Variants in GFOD1 observed in about 807,000 individuals in gnomAD.
GFOD1 encodes Gfo/Idh/MocA-like oxidoreductase domain containing 1.
Under a neutral mutation model 25.4 loss-of-function variants are expected in GFOD1, and 9 were observed. The ratio of observed to expected loss-of-function variants is 0.35; its 90% CI spans 0.21 to 0.62. The LOEUF is 0.62. Ranked by LOEUF, GFOD1 falls within the 20% of genes least tolerant of loss-of-function variation. The pLI, the probability that GFOD1 is intolerant of heterozygous loss-of-function variation, is 0.72. For synonymous variants in GFOD1, 253 were observed against 245.6 expected (o/e 1.03, Z -0.28); for missense variants, 403 against 556.9 (o/e 0.72, Z 2.78).
chr6:13,436,431 A>C (rs1365159436), intron 1 of GFOD1, among the ~76,000 whole-genome samples: 1 of 152,216 alleles, frequency 6.6e-6, no homozygotes, highest in African/African-American at 2.4e-5. Context: ...AATTAACACA[A>C]ATGGATCATG....
chr6:13,439,359 C>T (rs991113656), intron 1 of GFOD1, among the ~76,000 whole-genome samples: 1 of 151,220 alleles, frequency 6.6e-6, no homozygotes, highest in Non-Finnish European at 1.5e-5. Flanking sequence ...CTCAATGCTT[C>T]TCTGCAACAA....
chr6:13,397,451 C>T (rs902657506), intron 1 of GFOD1, among the ~76,000 whole-genome samples: 3 of 152,244 alleles, frequency 2.0e-5, no homozygotes, highest in Admixed American at 6.5e-5. Flanking sequence ...TGCATCTTCA[C>T]TTTTCACTTC....
At chr6:13,486,023 C>G in intron 1 of GFOD1, 4 of 985,910 alleles carry the variant, frequency 4.1e-6, no homozygotes, top group Non-Finnish European at 4.8e-6. Context: ...CCAGCGCAGA[C>G]GAAATAATTC....
intron 1 of GFOD1, chr6:13,470,276 C>T (rs1334047711): frequency 6.3e-7 from 1 of 1,590,328 alleles, no homozygotes; most frequent in Non-Finnish European, 8.6e-7. Flanking sequence ...CCTGGAATCC[C>T]CCATGCCAGC....
rs1784910364 is a variant in GFOD1 at position 13,359,127 on chromosome 6, T to G, written c.*5616A>C. 3 of 152,288 alleles carry G rather than the reference T, an allele frequency of 2.0e-5. No homozygotes were observed. The highest frequency in any genetic ancestry group is 7.2e-5 in the African/African-American group (3 of 41,446). 9.4% of individuals were successfully genotyped at this position (152,288 alleles called of 1,614,324 possible). A position where few individuals can be genotyped will look rare whatever the true frequency, so the allele number is the denominator to read the frequency against. Reference sequence around the variant, plus strand: ...CTATGAGAAGTCCCAGAAGCCCCAGTCAGTCTGGGTGGGGGGTCCCCTGAA... The same window carrying G: ...CTATGAGAAGTCCCAGAAGCCCCAGGCAGTCTGGGTGGGGGGTCCCCTGAA... On this transcript the variant is annotated 3_prime_UTR_variant, in exon 2 of 2. Transcript: ENST00000379287.
intron 1 of GFOD1, among the ~76,000 whole-genome samples, chr6:13,428,711 C>T (rs1266471625): frequency 3.9e-5 from 6 of 152,120 alleles, no homozygotes; most frequent in Admixed American, 2.6e-4. Context: ...CCAGGGCGGG[C>T]GGCAGGAGTA....
chr6:13,444,942 T>A (rs1454140582), intron 1 of GFOD1, among the ~76,000 whole-genome samples: 1 of 152,176 alleles, frequency 6.6e-6, no homozygotes, highest in Non-Finnish European at 1.5e-5. Flanking sequence ...AAATTAAATA[T>A]GTATCTTTTC....
chr6:13,416,830 G>A (rs1330893886), intron 1 of GFOD1, among the ~76,000 whole-genome samples: 1 of 152,204 alleles, frequency 6.6e-6, no homozygotes, highest in Non-Finnish European at 1.5e-5. Context: ...GGCAGGGCAT[G>A]GTAGCAATGG....
At chr6:13,402,393 C>T (rs892952449) in intron 1 of GFOD1, among the ~76,000 whole-genome samples, 4 of 152,066 alleles carry the variant, frequency 2.6e-5, no homozygotes, top group Admixed American at 2.6e-4. Flanking sequence ...AGATATAAAA[C>T]CACCGACTGA....
rs1411368976 is a variant in GFOD1 at position 13,365,001 on chromosome 6, G to A, written c.915C>T (p.Gly305=). 1.9e-6 allele frequency: 3 copies of A among 1,610,242 alleles called. No homozygotes were observed. Among genetic ancestry groups the A allele is most frequent in the South Asian group, 1.1e-5 (1 of 91,072 alleles). The change falls in exon 2 of 2, where the codon GGC becomes GGT. Residue 305 remains glycine (G), a synonymous_variant. Coordinates refer to ENST00000379287, the MANE Select transcript of GFOD1 (RefSeq NM_018988.4). The surrounding 1 kb of genome is among the most constrained non-coding windows in gnomAD (Gnocchi z 9.2). ...FSDIPSPYLR[G]TIKMMQAVRQ... is the part of the protein sequence containing the mutation. ...GCACCGCCTGCATCATCTTGATGGT[G>A]CCGCGCAGGTAGGGCGAGGGGATGT... is the stretch of plus-strand genomic sequence containing the variant.
At chr6:13,390,776 AG>A (rs1785579821) in intron 1 of GFOD1, among the ~76,000 whole-genome samples, 2 of 66,752 alleles carry the variant, frequency 3.0e-5, no homozygotes, top group South Asian at 7.8e-4. Flanking sequence ...AGAGAGAGAG[AG>A]AGAAAGGAAG....
At chr6:13,369,382 T>C (rs967656336) in intron 1 of GFOD1, among the ~76,000 whole-genome samples, 9 of 152,230 alleles carry the variant, frequency 5.9e-5, no homozygotes, top group Admixed American at 2.0e-4. Context: ...TTATTTATTA[T>C]AGCAAAAAAC....
chr6:13,386,767 CTGTGTGGCCTTGGGCACCATT>C (rs1785484358), intron 1 of GFOD1, among the ~76,000 whole-genome samples: 1 of 152,200 alleles, frequency 6.6e-6, no homozygotes, highest in Non-Finnish European at 1.5e-5. Context: ...CAGCCACCAT[CTGTGTGGCCTTGGGCACCATT>C]TCCTCATTGG....
At chr6:13,423,419 C>G (rs1440429900) in intron 1 of GFOD1, among the ~76,000 whole-genome samples, 1 of 152,190 alleles carries the variant, frequency 6.6e-6, no homozygotes, top group Non-Finnish European at 1.5e-5. Flanking sequence ...ACCCAAACTC[C>G]TCACCCCAGC....
chr6:13,422,445 G>A (rs1053459334), intron 1 of GFOD1, among the ~76,000 whole-genome samples: 1 of 152,158 alleles, frequency 6.6e-6, no homozygotes, highest in Non-Finnish European at 1.5e-5. Context: ...CACAGAGAGT[G>A]TCCATTTTCT....
intron 1 of GFOD1, among the ~76,000 whole-genome samples, chr6:13,458,482 C>T (rs998704575): frequency 2.0e-5 from 3 of 152,046 alleles, no homozygotes; most frequent in African/African-American, 7.2e-5. Context: ...ATCAATAATG[C>T]TCTCCACTGA....
At chr6:13,378,595 G>T (rs940354447) in intron 1 of GFOD1, among the ~76,000 whole-genome samples, 2 of 152,156 alleles carry the variant, frequency 1.3e-5, no homozygotes, top group African/African-American at 4.8e-5. Context: ...CCATTATAGT[G>T]CTGGGGTTCC....
rs9357702 is a variant in GFOD1, at chr6:13,371,240, A to T, written c.254-5578T>A. Among the ~76,000 whole-genome samples, 10 of 152,300 alleles carry T rather than the reference A, an allele frequency of 6.6e-5. No individual in the cohort carries two copies. The East Asian group carries it at 1.7e-3, about 26-fold the overall frequency. On this transcript the variant is annotated intron_variant, in intron 1 of 1. Transcript: ENST00000379287. ...ACAGCCATGGCTAATTTCCTAATGG[A>T]GAAACCTACAAAGGCTTTCCCCCTT...
intron 1 of GFOD1, among the ~76,000 whole-genome samples, chr6:13,368,317 G>A (rs1785085534): frequency 6.6e-6 from 1 of 152,246 alleles, no homozygotes; most frequent in African/African-American, 2.4e-5. Flanking sequence ...TGATGGCCAT[G>A]AAATAGCAGT....
Sources: gnomAD v4.1 joint callset for allele counts (sites outside exome capture counted in the v4.1 genomes callset) on GRCh38, gnomAD v4.1.1 for gene constraint, Gnocchi (gnomAD v3.1) non-coding constraint, MANE v1.5 for transcripts, NCBI Gene and HGNC (gene_info 2026-07-23, HGNC 2026-07-21) for gene names.